Variants in SAMTOR observed in about 807,000 individuals in gnomAD.
SAMTOR encodes S-adenosylmethionine sensor upstream of mTORC1.
the SAMTOR span, among the ~76,000 whole-genome samples, chr7:112,907,584 A>G: frequency 6.6e-6 from 1 of 152,008 alleles, no homozygotes; most frequent in Non-Finnish European, 1.5e-5. Flanking sequence ...TGATATAAAG[A>G]GCTCCAAAAA....
chr7:112,820,618 T>G, the SAMTOR span: 1 of 152,134 alleles, frequency 6.6e-6, no homozygotes, highest in African/African-American at 2.4e-5. Context: ...AATCATTTGC[T>G]TCTGATTCAG....
At chr7:112,830,326 G>A in the SAMTOR span, among the ~76,000 whole-genome samples, 1 of 152,058 alleles carries the variant, frequency 6.6e-6, no homozygotes, top group Non-Finnish European at 1.5e-5. Context: ...ATCCCATCTT[G>A]GCTGGAAGAG....
At chr7:112,930,981 C>T in the SAMTOR span, among the ~76,000 whole-genome samples, 2 of 152,158 alleles carry the variant, frequency 1.3e-5, no homozygotes, top group African/African-American at 2.4e-5. Context: ...GGAAAGTACA[C>T]AGACTCTACT....
the SAMTOR span, among the ~76,000 whole-genome samples, chr7:112,881,232 C>T: frequency 0.04 from 6,098 of 152,240 alleles, 326 homozygotes; most frequent in African/African-American, 0.12. Flanking sequence ...TGGGCACTGA[C>T]GAGCATAGGA....
At chr7:112,900,055 G>A in the SAMTOR span, among the ~76,000 whole-genome samples, 12 of 152,190 alleles carry the variant, frequency 7.9e-5, no homozygotes, top group African/African-American at 2.9e-4. Context: ...AACTGTAATT[G>A]TAGTGCATAA....
chr7:112,862,934 A>AG, the SAMTOR span, among the ~76,000 whole-genome samples: 19 of 151,114 alleles, frequency 1.3e-4, no homozygotes, highest in Admixed American at 9.2e-4. Context: ...AAAAAAAAAA[A>AG]GGGGGTGGGG....
the SAMTOR span, among the ~76,000 whole-genome samples, chr7:112,876,275 T>C: frequency 6.6e-6 from 1 of 150,692 alleles, no homozygotes; most frequent in African/African-American, 2.5e-5. Context: ...TTGAGACTTC[T>C]GTAACTATTT....
the SAMTOR span, among the ~76,000 whole-genome samples, chr7:112,869,895 T>C: frequency 2.6e-5 from 4 of 152,066 alleles, no homozygotes; most frequent in Admixed American, 1.3e-4. Flanking sequence ...ATTAAAAAAT[T>C]CACTAGAGGA....
the SAMTOR span, among the ~76,000 whole-genome samples, chr7:112,917,012 G>A: frequency 1.3e-5 from 2 of 152,328 alleles, no homozygotes; most frequent in African/African-American, 2.4e-5. Context: ...CTCCACCTCT[G>A]GGGGCAGGGC....
the SAMTOR span, among the ~76,000 whole-genome samples, chr7:112,865,539 G>A: frequency 6.6e-6 from 1 of 151,336 alleles, no homozygotes; most frequent in African/African-American, 2.4e-5. Flanking sequence ...GCCTCCCAAA[G>A]TGCTGGGATT....
chr7:112,821,526 T>C, the SAMTOR span: 1 of 411,214 alleles, frequency 2.4e-6, no homozygotes, highest in African/African-American at 2.1e-5. Context: ...GTAACAGTAG[T>C]TTCTGCTATG....
the SAMTOR span, among the ~76,000 whole-genome samples, chr7:112,856,829 A>G: frequency 6.6e-6 from 1 of 152,192 alleles, no homozygotes. Flanking sequence ...AGGAAAAATC[A>G]GAAATTAAAC....
chr7:112,939,279 T>G, the SAMTOR span: 1 of 400,894 alleles, frequency 2.5e-6, no homozygotes. Context: ...TCTGTGAGCG[T>G]GTATGTGTTT....
chr7:112,850,801 C>T, the SAMTOR span, among the ~76,000 whole-genome samples: 13 of 152,082 alleles, frequency 8.5e-5, no homozygotes, highest in South Asian at 2.7e-3. Flanking sequence ...CACCTTTTTT[C>T]CCTCAGTTAA....
chr7:112,899,292 T>C, the SAMTOR span, among the ~76,000 whole-genome samples: 1 of 151,872 alleles, frequency 6.6e-6, no homozygotes, highest in African/African-American at 2.4e-5. Context: ...ATTCAATTAA[T>C]GAACAAAAAT....
the SAMTOR span, chr7:112,822,332 T>C: frequency 6.2e-7 from 1 of 1,609,228 alleles, no homozygotes; most frequent in African/African-American, 1.3e-5. Flanking sequence ...GCTGGAGTGG[T>C]TGCTGAAGCT....
chr7:112,871,080 G>T, the SAMTOR span, among the ~76,000 whole-genome samples: 2 of 152,150 alleles, frequency 1.3e-5, no homozygotes, highest in African/African-American at 4.8e-5. Context: ...CAGGGTAATA[G>T]TGGGGGACTT....
the SAMTOR span, among the ~76,000 whole-genome samples, chr7:112,902,414 C>A: frequency 7.9e-5 from 2 of 25,162 alleles, no homozygotes. Flanking sequence ...AAAACTCCGT[C>A]TCAAAAAAAA....
chr7:112,924,584 G>A, the SAMTOR span, among the ~76,000 whole-genome samples: 4 of 151,954 alleles, frequency 2.6e-5, no homozygotes, highest in Admixed American at 6.6e-5. Context: ...TATTTTTGAG[G>A]GGGCTATGTA....
Sources: gnomAD v4.1 joint callset for allele counts (sites outside exome capture counted in the v4.1 genomes callset) on GRCh38, gnomAD v4.1.1 for gene constraint, MANE v1.5 for transcripts, NCBI Gene and HGNC (gene_info 2026-07-23, HGNC 2026-07-21) for gene names.